Variants in AK5 observed in about 807,000 individuals in gnomAD.
AK5 encodes the protein adenylate kinase 5, also known as adenylate kinase isoenzyme 5.
Under a neutral mutation model 69.5 loss-of-function variants are expected in AK5, and 27 were observed. The ratio of observed to expected loss-of-function variants is 0.39; its 90% CI spans 0.29 to 0.54. The LOEUF (loss-of-function observed/expected upper bound fraction) is 0.54. Ranked by LOEUF, AK5 falls within the 20% of genes least tolerant of loss-of-function variation. The pLI is 0.71. For missense variants in AK5, 531 were observed against 700.4 expected, an observed-to-expected ratio of 0.76 and a Z score of 2.73; for synonymous variants, 260 against 244.4, an observed-to-expected ratio of 1.06 and a Z score of -0.60.
Position 77,392,662 on chromosome 1 carries a change from G to A in AK5, c.892-18319G>A, listed in dbSNP as rs548224354. 5.7e-4 allele frequency among the ~76,000 whole-genome samples: 86 copies of A among 152,116 alleles called. 2 individuals are homozygous for A. The highest frequency in any genetic ancestry group is 6.6e-4 in the Admixed American group (10 of 15,266). ...ACTGGCAAACACAGAATCCAAATCC[G>A]CACATTCATAATAATAGTTCTGACT... On this transcript the variant is annotated intron_variant, in intron 6 of 13. Coordinates refer to ENST00000354567, the MANE Select transcript of AK5 (RefSeq NM_174858.3).
intron 8 of AK5, among the ~76,000 whole-genome samples, chr1:77,474,699 A>G (rs80326764): frequency 0.01 from 1,579 of 152,250 alleles, 33 homozygotes; most frequent in East Asian, 0.078. Context: ...CCTTCCCCCA[A>G]TCTTACTTCC....
At chr1:77,372,638 A>T (rs1647141147) in intron 6 of AK5, among the ~76,000 whole-genome samples, 1 of 152,152 alleles carries the variant, frequency 6.6e-6, no homozygotes, top group African/African-American at 2.4e-5. Flanking sequence ...ATCACTTTGG[A>T]TATATAAGGA....
chr1:77,324,393 C>T (rs981107451), intron 5 of AK5, among the ~76,000 whole-genome samples: 10 of 150,824 alleles, frequency 6.6e-5, no homozygotes, highest in Admixed American at 2.0e-4. Flanking sequence ...AACTAATTTT[C>T]GTGTATGCCT....
At chr1:77,507,043 G>A (rs182810005) in intron 10 of AK5, among the ~76,000 whole-genome samples, 393 of 152,242 alleles carry the variant, frequency 2.6e-3, no homozygotes, top group Middle Eastern at 0.01. Flanking sequence ...GCCTGATAAG[G>A]TTGCCAGATT....
intron 8 of AK5, among the ~76,000 whole-genome samples, chr1:77,453,309 T>G (rs2100660832): frequency 6.6e-6 from 1 of 152,342 alleles, no homozygotes; most frequent in East Asian, 1.9e-4. Flanking sequence ...CAAAAAGTAT[T>G]TATTGACTGT....
At chr1:77,337,276 A>G (rs1039607957) in intron 5 of AK5, among the ~76,000 whole-genome samples, 1 of 152,216 alleles carries the variant, frequency 6.6e-6, no homozygotes, top group African/African-American at 2.4e-5. Flanking sequence ...AAGGCTATCC[A>G]TGGCCTTACT....
chr1:77,318,488 A>G (rs1660359270), intron 5 of AK5, among the ~76,000 whole-genome samples: 1 of 152,130 alleles, frequency 6.6e-6, no homozygotes. Flanking sequence ...CACCTTCACT[A>G]GTCTTCACAC....
intron 5 of AK5, among the ~76,000 whole-genome samples, chr1:77,300,118 C>T (rs755281582): frequency 2.0e-4 from 31 of 152,082 alleles, no homozygotes; most frequent in Non-Finnish European, 3.4e-4. Flanking sequence ...ATGTGACTTG[C>T]AGTAGGTGGG....
At chr1:77,298,601 C>A (rs1388387362) in intron 5 of AK5, among the ~76,000 whole-genome samples, 4 of 151,330 alleles carry the variant, frequency 2.6e-5, no homozygotes, top group Admixed American at 6.6e-5. Flanking sequence ...CCCAGGAGTT[C>A]CAGACCAGCC....
At chr1:77,543,527 AT>A (rs113367842) in intron 13 of AK5, among the ~76,000 whole-genome samples, 5 of 89,842 alleles carry the variant, frequency 5.6e-5, no homozygotes, top group Admixed American at 1.4e-4. Context: ...ACATTGCTCT[AT>A]TTTTTTTTTA....
At chr1:77,365,411 G>T (rs1281160485) in intron 6 of AK5, among the ~76,000 whole-genome samples, 1 of 152,152 alleles carries the variant, frequency 6.6e-6, no homozygotes, top group East Asian at 1.9e-4. Flanking sequence ...CCTGGGTTTG[G>T]GCAATGTTAT....
chr1:77,460,521 G>A (rs185856841), intron 8 of AK5, among the ~76,000 whole-genome samples: 15 of 152,268 alleles, frequency 9.9e-5, no homozygotes, highest in Admixed American at 4.6e-4. Flanking sequence ...TCCTGAGAAT[G>A]CTCTATATTT....
intron 5 of AK5, among the ~76,000 whole-genome samples, chr1:77,339,958 A>G (rs186812529): frequency 1.5e-4 from 23 of 152,266 alleles, no homozygotes; most frequent in Admixed American, 1.4e-3. Flanking sequence ...CCTGGCATAC[A>G]GTAGATAATT....
intron 12 of AK5, among the ~76,000 whole-genome samples, chr1:77,535,197 A>G (rs1438127784): frequency 6.6e-6 from 1 of 152,204 alleles, no homozygotes; most frequent in Non-Finnish European, 1.5e-5. Context: ...CTCTAAAAGC[A>G]TGGACATTAT....
intron 6 of AK5, among the ~76,000 whole-genome samples, chr1:77,376,452 A>AAAAAAAAAAAAAAC (rs1557542594): frequency 1.1e-4 from 1 of 9,050 alleles, no homozygotes; most frequent in Admixed American, 1.9e-3. Flanking sequence ...AAAAAAAAAC[A>AAAAAAAAAAAAAAC]AAAAAAAAAA....
At chr1:77,535,107 C>T (rs1161863751) in intron 12 of AK5, among the ~76,000 whole-genome samples, 7 of 152,328 alleles carry the variant, frequency 4.6e-5, no homozygotes, top group Non-Finnish European at 1.0e-4. Context: ...AGTTGGACAT[C>T]TTAGATGGCA....
intron 5 of AK5, among the ~76,000 whole-genome samples, chr1:77,325,499 A>G (rs747513966): frequency 1.1e-4 from 16 of 152,130 alleles, no homozygotes; most frequent in Admixed American, 3.3e-4. Flanking sequence ...CGGGAAAAGC[A>G]GAGTCCTAAA....
intron 8 of AK5, among the ~76,000 whole-genome samples, chr1:77,460,591 A>G (rs1002518955): frequency 6.6e-6 from 1 of 152,248 alleles, no homozygotes; most frequent in Non-Finnish European, 1.5e-5. Context: ...ACACAATGAA[A>G]TACTATTCAG....
At chr1:77,522,008 A>G in intron 12 of AK5, 65 bp downstream of exon 12, 1 of 1,237,898 alleles carries the variant, frequency 8.1e-7, no homozygotes, top group South Asian at 1.5e-5. Flanking sequence ...GTTGGGTGAT[A>G]ATTCAAAGTC....
Sources: gnomAD v4.1 joint callset for allele counts (sites outside exome capture counted in the v4.1 genomes callset) on GRCh38, gnomAD v4.1.1 for gene constraint, MANE v1.5 for transcripts, NCBI Gene and HGNC (gene_info 2026-07-23, HGNC 2026-07-21) for gene names.